BCAR3: variants seen among roughly 807,000 people sequenced by gnomAD.
The protein encoded by BCAR3 is BCAR3 adaptor protein, NSP family member.
A neutral mutation model predicts 80.1 loss-of-function variants in BCAR3; 37 were observed. The observed-to-expected ratio is 0.46, with a 90% CI of 0.36 to 0.61. The LOEUF is 0.61. Among genes scored for constraint, BCAR3 ranks in the 20% least tolerant of loss-of-function variants. BCAR3 has a pLI of 0.00. For missense variants in BCAR3, 978 were observed against 1,068.2 expected, an observed-to-expected ratio of 0.92 and a Z score of 1.18; for synonymous variants, 389 against 418.9, an observed-to-expected ratio of 0.93 and a Z score of 0.87.
At chr1:93,641,926 A>C (rs1248471468) in intron 3 of BCAR3, among the ~76,000 whole-genome samples, 1 of 152,206 alleles carries the variant, frequency 6.6e-6, no homozygotes, top group Non-Finnish European at 1.5e-5. Flanking sequence ...TTTGTCATCT[A>C]TTTATCCCTC....
intron 3 of BCAR3, among the ~76,000 whole-genome samples, chr1:93,630,899 G>T (rs1675599253): frequency 6.6e-6 from 1 of 152,188 alleles, no homozygotes. Flanking sequence ...GAGCTCCAGA[G>T]AACTTCAGTA....
chr1:93,715,451 A>G (rs934731183), intron 2 of BCAR3, among the ~76,000 whole-genome samples: 1 of 152,206 alleles, frequency 6.6e-6, no homozygotes, highest in African/African-American at 2.4e-5. Flanking sequence ...GAGGTTCTGG[A>G]GAGATCAACT....
intron 3 of BCAR3, among the ~76,000 whole-genome samples, chr1:93,618,934 TTTTTG>T (rs1675222903): frequency 6.6e-6 from 1 of 150,490 alleles, no homozygotes; most frequent in Non-Finnish European, 1.5e-5. Context: ...GTTTTTTTTT[TTTTTG>T]TTTTTTTTTT....
intron 4 of BCAR3, among the ~76,000 whole-genome samples, chr1:93,591,780 A>C (rs1336778547): frequency 1.3e-5 from 2 of 152,094 alleles, no homozygotes; most frequent in African/African-American, 4.8e-5. Flanking sequence ...TCCAGTAGGG[A>C]AGTGATGGAG....
chr1:93,814,985 C>A (rs1218754454), intron 2 of BCAR3, among the ~76,000 whole-genome samples: 1 of 152,236 alleles, frequency 6.6e-6, no homozygotes, highest in Non-Finnish European at 1.5e-5. Context: ...TCCTTGCCTG[C>A]CTGCCTTCTT....
chr1:93,625,040 C>T (rs1399726866), intron 3 of BCAR3, among the ~76,000 whole-genome samples: 2 of 152,182 alleles, frequency 1.3e-5, no homozygotes, highest in African/African-American at 2.4e-5. Flanking sequence ...GAAACCCCAC[C>T]TCTACTAAAA....
At chr1:93,705,380 G>C (rs541920234) in intron 3 of BCAR3, among the ~76,000 whole-genome samples, 1 of 152,312 alleles carries the variant, frequency 6.6e-6, no homozygotes, top group South Asian at 2.1e-4. Flanking sequence ...AGACCTCCCA[G>C]GGAGAGAGCA....
chr1:93,685,302 G>A (rs141321651), upstream of BCAR3, among the ~76,000 whole-genome samples: 6 of 152,164 alleles, frequency 3.9e-5, no homozygotes, highest in East Asian at 1.2e-3. Flanking sequence ...CTAGAAATAA[G>A]TACTGCTATT....
intron 2 of BCAR3, among the ~76,000 whole-genome samples, chr1:93,838,543 A>G (rs895044733): frequency 6.6e-6 from 1 of 152,174 alleles, no homozygotes; most frequent in African/African-American, 2.4e-5. Flanking sequence ...GGTGGGGACA[A>G]ACTAACTCTA....
In BCAR3 at chr1:93,567,434, G is replaced by C. The variant is rs145893320; in HGVS notation, c.2144C>G (p.Thr715Arg). The change falls in exon 11 of 12, where the codon ACG becomes AGG. Residue 715 changes from threonine (T) to arginine (R), a missense_variant. Thr to Arg is a moderately conservative substitution (Grantham distance 71). Coordinates refer to ENST00000260502, the MANE Select transcript of BCAR3 (RefSeq NM_003567.4). Reference protein sequence around the residue: ...VSVPLLMPLVTLMERQAVTFE... With the variant: ...VSVPLLMPLVRLMERQAVTFE... ...AGTCACAGCCTGGCGCTCCATTAAC[G>C]TCACAAGCGGCATCAGCAGTGGGAC... The C allele has an allele frequency of 3.1e-6, 5 of 1,614,006 alleles. No individual in the cohort carries two copies. The highest frequency in any genetic ancestry group is 4.2e-6 in the Non-Finnish European group (5 of 1,179,990).
chr1:93,685,031 G>T (rs1442015979), upstream of BCAR3, among the ~76,000 whole-genome samples: 2 of 152,130 alleles, frequency 1.3e-5, no homozygotes, highest in Non-Finnish European at 2.9e-5. Flanking sequence ...TGCCCGACCT[G>T]AATCAGGTAT....
intron 3 of BCAR3, among the ~76,000 whole-genome samples, chr1:93,617,940 A>G (rs1245837747): frequency 6.6e-6 from 1 of 152,082 alleles, no homozygotes; most frequent in Non-Finnish European, 1.5e-5. Flanking sequence ...CTTCCCCAGC[A>G]CCCACCCTAT....
At chr1:93,739,078 G>A (rs530494183) in intron 2 of BCAR3, among the ~76,000 whole-genome samples, 3 of 152,236 alleles carry the variant, frequency 2.0e-5, no homozygotes, top group South Asian at 2.1e-4. Flanking sequence ...AACGTTTTTC[G>A]TCCTCTGTGC....
chr1:93,718,323 T>C (rs1158836364), intron 2 of BCAR3, among the ~76,000 whole-genome samples: 1 of 152,186 alleles, frequency 6.6e-6, no homozygotes, highest in Non-Finnish European at 1.5e-5. Flanking sequence ...CTGAAACCAC[T>C]AGACCCCAAA....
intron 2 of BCAR3, chr1:93,845,502 A>ATATATATATATATATATATATAT: frequency 8.8e-6 from 1 of 113,820 alleles, no homozygotes; most frequent in Non-Finnish European, 1.8e-5. Flanking sequence ...ATATATATAT[A>ATATATATATATATATATATATAT]AAACTTTGTT....
chr1:93,817,527 C>G (rs1300170669), intron 2 of BCAR3, among the ~76,000 whole-genome samples: 7 of 152,128 alleles, frequency 4.6e-5, no homozygotes, highest in Non-Finnish European at 1.0e-4. Context: ...AGTGTCGTGA[C>G]CTTTCATACA....
intron 2 of BCAR3, among the ~76,000 whole-genome samples, chr1:93,776,533 G>T (rs1387460905): frequency 1.3e-5 from 2 of 152,094 alleles, no homozygotes; most frequent in Non-Finnish European, 1.5e-5. Flanking sequence ...TCTATATATT[G>T]TATTTGGTTG....
intron 2 of BCAR3, among the ~76,000 whole-genome samples, chr1:93,755,709 A>T (rs1448402192): frequency 6.6e-6 from 1 of 152,196 alleles, no homozygotes; most frequent in Non-Finnish European, 1.5e-5. Context: ...TATCCCCATC[A>T]TTAAGCTACA....
intron 2 of BCAR3, among the ~76,000 whole-genome samples, chr1:93,766,516 G>A (rs1301068057): frequency 6.6e-6 from 1 of 152,218 alleles, no homozygotes; most frequent in Admixed American, 6.5e-5. Context: ...TTTTCTTTCT[G>A]ACTGCAGGAA....
Sources: gnomAD v4.1 joint callset for allele counts (sites outside exome capture counted in the v4.1 genomes callset) on GRCh38, gnomAD v4.1.1 for gene constraint, MANE v1.5 for transcripts, NCBI Gene and HGNC (gene_info 2026-07-23, HGNC 2026-07-21) for gene names.